The following SDK1 variants were observed in gnomAD, a reference collection of about 807,000 sequenced individuals.
SDK1 encodes the protein sidekick cell adhesion molecule 1, also known as protein sidekick-1.
A neutral mutation model predicts 245.5 loss-of-function variants in SDK1; 157 were observed. The observed-to-expected ratio is 0.64, with a 90% CI of 0.56 to 0.73. The LOEUF is 0.73. SDK1 is among the 30% of genes least tolerant of loss of function. The pLI, the probability that SDK1 is intolerant of heterozygous loss-of-function variation, is 0.00. For missense variants in SDK1, 3,583 were observed against 3,002.3 expected (o/e 1.19, Z -4.52); for synonymous variants, 1,647 against 1,278.5 (o/e 1.29, Z -6.15).
chr7:4,102,446 G>A (rs1197480848), intron 22 of SDK1, among the ~76,000 whole-genome samples: 7 of 152,184 alleles, frequency 4.6e-5, no homozygotes, highest in African/African-American at 1.4e-4. Context: ...AAGGGGTTCT[G>A]GAGCATCTTT....
At chr7:4,011,233 C>T (rs546385035) in intron 15 of SDK1, 120 bp downstream of exon 15, 17 of 1,245,152 alleles carry the variant, frequency 1.4e-5, no homozygotes, top group Admixed American at 1.1e-4. Context: ...CTCAGGGAGA[C>T]GGGACAAACC....
intron 4 of SDK1, among the ~76,000 whole-genome samples, chr7:3,750,964 C>A (rs1779756914): frequency 6.6e-6 from 1 of 152,230 alleles, no homozygotes; most frequent in Non-Finnish European, 1.5e-5. Flanking sequence ...GTTTTACCTC[C>A]CTGCGGGTGC....
At chr7:3,993,612 C>T (rs954130135) in intron 14 of SDK1, among the ~76,000 whole-genome samples, 4 of 152,074 alleles carry the variant, frequency 2.6e-5, no homozygotes, top group African/African-American at 9.7e-5. Context: ...TCCCTTAAAG[C>T]ACAAAGAATA....
intron 12 of SDK1, among the ~76,000 whole-genome samples, 155 bp downstream of exon 12, chr7:3,971,723 C>G (rs531052490): frequency 6.6e-6 from 1 of 152,336 alleles, no homozygotes; most frequent in East Asian, 1.9e-4. Context: ...CGTCATTAAT[C>G]ATGCAAATCC....
At chr7:3,359,084 C>T (rs1028896098) in intron 1 of SDK1, among the ~76,000 whole-genome samples, 1 of 152,150 alleles carries the variant, frequency 6.6e-6, no homozygotes, top group African/African-American at 2.4e-5. Flanking sequence ...ACCTTGGAGA[C>T]ACAGCGTTAG....
At chr7:3,936,816 G>A (rs969905553) in intron 5 of SDK1, among the ~76,000 whole-genome samples, 2 of 152,190 alleles carry the variant, frequency 1.3e-5, no homozygotes, top group South Asian at 2.1e-4. Flanking sequence ...TGTCCTCTGG[G>A]CCCTGCTGGA....
intron 7 of SDK1, among the ~76,000 whole-genome samples, chr7:3,954,282 CCTCTACACTCTACAG>C (rs1318425646): frequency 8.8e-5 from 7 of 79,512 alleles, no homozygotes; most frequent in Admixed American, 1.2e-4. Context: ...TCCCGCATCA[CCTCTACACTCTACAG>C]CCTCCCCTCC....
At chr7:3,807,284 C>A (rs1779274946) in intron 4 of SDK1, among the ~76,000 whole-genome samples, 1 of 152,180 alleles carries the variant, frequency 6.6e-6, no homozygotes, top group South Asian at 2.1e-4. Flanking sequence ...CCAAGAAGGC[C>A]TGCCTAGGAG....
At chr7:3,593,269 C>A (rs147500688) in intron 1 of SDK1, among the ~76,000 whole-genome samples, 2 of 152,124 alleles carry the variant, frequency 1.3e-5, no homozygotes, top group African/African-American at 4.8e-5. Context: ...TACATAGAAG[C>A]ACTGCCCCTG....
intron 1 of SDK1, among the ~76,000 whole-genome samples, chr7:3,326,426 A>G (rs1004665851): frequency 6.6e-6 from 1 of 152,186 alleles, no homozygotes; most frequent in African/African-American, 2.4e-5. Flanking sequence ...GTTTACTCTG[A>G]TATCACTAGA....
intron 17 of SDK1, among the ~76,000 whole-genome samples, chr7:4,034,092 C>G (rs1788039489): frequency 6.6e-6 from 1 of 152,204 alleles, no homozygotes; most frequent in Non-Finnish European, 1.5e-5. Context: ...AGCCTCGCCT[C>G]TGTGCTATTC....
At chr7:4,000,548 G>T (rs1784998120) in intron 14 of SDK1, among the ~76,000 whole-genome samples, 1 of 152,110 alleles carries the variant, frequency 6.6e-6, no homozygotes, top group African/African-American at 2.4e-5. Flanking sequence ...GCCTTTTCAT[G>T]TAGGGAACCC....
At chr7:3,600,450 A>G (rs930947176) in intron 1 of SDK1, among the ~76,000 whole-genome samples, 2 of 151,750 alleles carry the variant, frequency 1.3e-5, no homozygotes, top group South Asian at 4.2e-4. Context: ...TTCCTATACT[A>G]TGTTGAATAG....
chr7:3,508,281 C>G (rs1418121825), intron 1 of SDK1, among the ~76,000 whole-genome samples: 3 of 150,908 alleles, frequency 2.0e-5, no homozygotes, highest in Admixed American at 6.6e-5. Context: ...TTAAGCTAAT[C>G]ATTACTCTTT....
intron 4 of SDK1, among the ~76,000 whole-genome samples, chr7:3,664,757 A>T (rs1362629018): frequency 6.9e-6 from 1 of 144,812 alleles, no homozygotes; most frequent in Non-Finnish European, 1.5e-5. Flanking sequence ...AAAAAAAAAA[A>T]TTGAGAACTA....
In SDK1 at chr7:3,732,771, A is replaced by G. The variant is rs114175852; in HGVS notation, c.714-88679A>G. ...AATTCAAGATGCCATAGCAGCTTCA[A>G]TAAGCCTCATATGGCCATGGTTGTG... On this transcript the variant is annotated intron_variant, in intron 4 of 44. Transcript: ENST00000404826. Among the ~76,000 whole-genome samples, 819 of 152,346 alleles carry G rather than the reference A, an allele frequency of 5.4e-3. 6 individuals are homozygous for G. Among genetic ancestry groups the G allele is most frequent in the African/African-American group, 0.019 (770 of 41,570 alleles).
At chr7:3,464,163 C>A (rs1562501399) in intron 1 of SDK1, among the ~76,000 whole-genome samples, 1 of 152,170 alleles carries the variant, frequency 6.6e-6, no homozygotes, top group Non-Finnish European at 1.5e-5. Flanking sequence ...GAAACCTATA[C>A]ATACATGTTC....
intron 1 of SDK1, among the ~76,000 whole-genome samples, chr7:3,500,313 C>A (rs1486436717): frequency 6.6e-6 from 1 of 152,122 alleles, no homozygotes; most frequent in Non-Finnish European, 1.5e-5. Flanking sequence ...GTTAGTGGAA[C>A]ATGTCATCTG....
intron 19 of SDK1, among the ~76,000 whole-genome samples, chr7:4,054,603 G>A (rs904927361): frequency 6.6e-6 from 1 of 152,096 alleles, no homozygotes; most frequent in Non-Finnish European, 1.5e-5. Flanking sequence ...TTTCTAACCT[G>A]TATGCCTTTC....
Sources: gnomAD v4.1 joint callset for allele counts (sites outside exome capture counted in the v4.1 genomes callset) on GRCh38, gnomAD v4.1.1 for gene constraint, MANE v1.5 for transcripts, NCBI Gene and HGNC (gene_info 2026-07-23, HGNC 2026-07-21) for gene names.